Variants in MAN1A2 observed in about 807,000 individuals in gnomAD.
MAN1A2 encodes the protein mannosidase alpha class 1A member 2.
In MAN1A2, 26 loss-of-function variants were observed where a neutral mutation model predicts 75.7. The ratio of observed to expected loss-of-function variants is 0.34; its 90% CI spans 0.25 to 0.48. The LOEUF (loss-of-function observed/expected upper bound fraction) is 0.48, where lower values mean the gene tolerates loss of function less well. Among genes scored for constraint, MAN1A2 ranks in the 20% least tolerant of loss-of-function variants. The pLI, the probability that MAN1A2 is intolerant of heterozygous loss-of-function variation, is 0.99. For missense variants in MAN1A2, 562 were observed against 775.5 expected (o/e 0.72, Z 3.27); for synonymous variants, 247 against 264.6 (o/e 0.93, Z 0.65).
At chr1:117,446,322 C>T (rs1649235195) in intron 6 of MAN1A2, among the ~76,000 whole-genome samples, 1 of 151,732 alleles carries the variant, frequency 6.6e-6, no homozygotes, top group Admixed American at 6.6e-5. Context: ...ATTGGAGCTA[C>T]TTTGCTCTTT....
intron 6 of MAN1A2, among the ~76,000 whole-genome samples, chr1:117,453,289 C>T (rs1343303009): frequency 6.6e-6 from 1 of 152,150 alleles, no homozygotes; most frequent in Non-Finnish European, 1.5e-5. Context: ...TTTTGTAAGG[C>T]TATAGCTGCC....
chr1:117,374,244 C>T (rs1653071163), intron 1 of MAN1A2, among the ~76,000 whole-genome samples: 1 of 152,104 alleles, frequency 6.6e-6, no homozygotes, highest in African/African-American at 2.4e-5. Flanking sequence ...GTGTAGTTAG[C>T]TATGATTGTG....
chr1:117,380,441 G>A (rs947597662), intron 1 of MAN1A2, among the ~76,000 whole-genome samples: 2 of 152,126 alleles, frequency 1.3e-5, no homozygotes, highest in South Asian at 4.1e-4. Flanking sequence ...CAAATCCAGA[G>A]TCATGAAGAT....
chr1:117,422,742 T>G (rs1404378548), intron 5 of MAN1A2, among the ~76,000 whole-genome samples: 3 of 152,134 alleles, frequency 2.0e-5, no homozygotes, highest in African/African-American at 7.2e-5. Context: ...CTCAAATCCC[T>G]TGCCCATTTA....
intron 3 of MAN1A2, among the ~76,000 whole-genome samples, chr1:117,414,194 T>C (rs1192143653): frequency 1.3e-5 from 2 of 151,722 alleles, no homozygotes; most frequent in Non-Finnish European, 3.0e-5. Context: ...TAAGGATTGT[T>C]TTTTTTCCAC....
chr1:117,475,731 A>G (rs972449258), intron 8 of MAN1A2, among the ~76,000 whole-genome samples: 8 of 152,128 alleles, frequency 5.3e-5, no homozygotes, highest in African/African-American at 1.9e-4. Context: ...TCCATGGTGT[A>G]TATGTGCCAC....
intron 3 of MAN1A2, among the ~76,000 whole-genome samples, chr1:117,412,452 T>C (rs1230919651): frequency 6.6e-6 from 1 of 151,740 alleles, no homozygotes; most frequent in Non-Finnish European, 1.5e-5. Context: ...GAATTTATTA[T>C]TTCAATAATT....
chr1:117,405,460 G>T (rs1026052967), intron 2 of MAN1A2, 89 bp from the exon 3 acceptor site: 11 of 768,040 alleles, frequency 1.4e-5, no homozygotes, highest in Non-Finnish European at 1.9e-5. Context: ...AATGGGCAAG[G>T]ATATAGTAAT....
At chr1:117,434,847 C>A (rs1242083456) in intron 5 of MAN1A2, among the ~76,000 whole-genome samples, 1 of 150,024 alleles carries the variant, frequency 6.7e-6, no homozygotes, top group Admixed American at 6.7e-5. Context: ...AATAATGGCA[C>A]CTTGGACTAA....
chr1:117,429,895 C>T (rs1407066675), intron 5 of MAN1A2, among the ~76,000 whole-genome samples: 7 of 70,830 alleles, frequency 9.9e-5, no homozygotes, highest in Admixed American at 6.4e-4. Flanking sequence ...GGCGGCTGGC[C>T]GGGCAGAGGG....
rs540280532 is a variant in MAN1A2, at chr1:117,392,675, A to G, written c.303-9511A>G. Reference sequence around the variant, plus strand: ...TTGATTTAATCTGAAATTACCATAAACGCAAACTGAAATCCTTTGAAAACC... The same window carrying G: ...TTGATTTAATCTGAAATTACCATAAGCGCAAACTGAAATCCTTTGAAAACC... On this transcript the variant is annotated intron_variant, in intron 1 of 12. Coordinates refer to ENST00000356554, the MANE Select transcript of MAN1A2 (RefSeq NM_006699.5). Among the ~76,000 whole-genome samples, 10 of 148,090 alleles carry G rather than the reference A, an allele frequency of 6.8e-5. No individual in the cohort carries two copies. In the South Asian group the frequency reaches 2.2e-3, roughly 33 times the overall value.
chr1:117,441,007 TG>T (rs992688117), intron 5 of MAN1A2, among the ~76,000 whole-genome samples: 1 of 152,176 alleles, frequency 6.6e-6, no homozygotes, highest in Non-Finnish European at 1.5e-5. Context: ...TAAATTATAA[TG>T]TTTTTCTTTG....
intron 8 of MAN1A2, among the ~76,000 whole-genome samples, chr1:117,468,314 C>T (rs1365004988): frequency 6.6e-6 from 1 of 152,132 alleles, no homozygotes; most frequent in African/African-American, 2.4e-5. Flanking sequence ...TTCCTGTACC[C>T]ACTCTCCAGA....
chr1:117,457,154 T>C (rs959831253), intron 6 of MAN1A2, among the ~76,000 whole-genome samples: 1 of 152,124 alleles, frequency 6.6e-6, no homozygotes, highest in Non-Finnish European at 1.5e-5. Context: ...TTTAATATGA[T>C]TGTAGACCAC....
intron 8 of MAN1A2, among the ~76,000 whole-genome samples, chr1:117,483,971 T>C (rs58038641): frequency 1.3e-5 from 2 of 151,852 alleles, no homozygotes; most frequent in Non-Finnish European, 2.9e-5. Flanking sequence ...GCATCAACTT[T>C]TAAGAGCATC....
chr1:117,461,418 G>T (rs1378573190), intron 7 of MAN1A2, among the ~76,000 whole-genome samples: 2 of 152,090 alleles, frequency 1.3e-5, no homozygotes, highest in African/African-American at 4.8e-5. Context: ...GAGGAGAGAA[G>T]GATAAAAAGG....
At chr1:117,452,178 A>C (rs1431438839) in intron 6 of MAN1A2, among the ~76,000 whole-genome samples, 1 of 151,734 alleles carries the variant, frequency 6.6e-6, no homozygotes, top group Non-Finnish European at 1.5e-5. Flanking sequence ...ATGGTGGTGC[A>C]TGCCTGTAAT....
At position 117,454,794 on chromosome 1, in the gene MAN1A2, T is replaced by C. The variant is rs147530623; in HGVS notation, c.951-5695T>C. Among the ~76,000 whole-genome samples, 104 of 152,272 alleles carry C rather than the reference T, an allele frequency of 6.8e-4. 1 individual carries two copies. The East Asian group carries it at 0.017, about 25-fold the overall frequency. ...CTATAGTATACATAGGAGAAAAATT[T>C]GTTACCACAGTAGCACAGAGGATAG... On this transcript the variant is annotated intron_variant, in intron 6 of 12. Transcript: ENST00000356554.
At chr1:117,505,559 G>T (rs1055769796) in intron 12 of MAN1A2, among the ~76,000 whole-genome samples, 3 of 150,946 alleles carry the variant, frequency 2.0e-5, no homozygotes, top group African/African-American at 7.3e-5. Context: ...AAGTGAAAAA[G>T]GTCAAACAAA....
Sources: gnomAD v4.1 joint callset for allele counts (sites outside exome capture counted in the v4.1 genomes callset) on GRCh38, gnomAD v4.1.1 for gene constraint, MANE v1.5 for transcripts, NCBI Gene and HGNC (gene_info 2026-07-23, HGNC 2026-07-21) for gene names.